The following MYLK3 variants were observed in gnomAD, a reference collection of about 807,000 sequenced individuals.
MYLK3 encodes MLC kinase.
In MYLK3, 55 loss-of-function variants were observed where a neutral mutation model predicts 76.3. The observed-to-expected ratio is 0.72, with a 90% CI of 0.58 to 0.90. The LOEUF (loss-of-function observed/expected upper bound fraction) is 0.90. MYLK3 is among the 40% of genes least tolerant of loss of function. The pLI is 0.00. For missense variants in MYLK3, 973 were observed against 1,053.6 expected (o/e 0.92, Z 1.06); for synonymous variants, 416 against 425.4 (o/e 0.98, Z 0.27).
intron 1 of MYLK3, among the ~76,000 whole-genome samples, chr16:46,755,355 G>T (rs193297241): frequency 6.6e-6 from 1 of 152,028 alleles, no homozygotes; most frequent in South Asian, 2.1e-4. Flanking sequence ...CTACTCAGGA[G>T]GCTGAGGCAG....
chr16:46,747,141 A>G (rs1967041051), intron 1 of MYLK3, among the ~76,000 whole-genome samples: 1 of 152,066 alleles, frequency 6.6e-6, no homozygotes, highest in South Asian at 2.1e-4. Context: ...TGCAGGATTG[A>G]TTATGCAACT....
chr16:46,725,572 G>A (rs534781834), intron 8 of MYLK3, among the ~76,000 whole-genome samples: 17 of 152,162 alleles, frequency 1.1e-4, no homozygotes, highest in East Asian at 5.8e-4. Flanking sequence ...GGCCCATTAC[G>A]TTGGTTGATT....
At chr16:46,740,500 T>C (rs1027579362) in intron 1 of MYLK3, among the ~76,000 whole-genome samples, 2 of 147,562 alleles carry the variant, frequency 1.4e-5, no homozygotes, top group African/African-American at 4.9e-5. Flanking sequence ...AAAATAATCA[T>C]TTAAAAATAT....
intron 4 of MYLK3, among the ~76,000 whole-genome samples, chr16:46,731,101 G>A (rs1966851672): frequency 6.6e-6 from 1 of 152,220 alleles, no homozygotes; most frequent in Admixed American, 6.5e-5. Flanking sequence ...AAACTCATGA[G>A]GGTGTTATGA....
At chr16:46,727,495 G>C in intron 7 of MYLK3, 118 bp from the exon 8 acceptor site, 1 of 1,122,516 alleles carries the variant, frequency 8.9e-7, no homozygotes, top group Non-Finnish European at 1.2e-6. Context: ...ACACCCCATG[G>C]GTCACAGGGC....
rs950754984 is a variant in MYLK3 at position 46,742,520 on chromosome 16, T to C, written c.478-2373A>G. Among the ~76,000 whole-genome samples the C allele has an allele frequency of 2.7e-5, 4 of 150,524 alleles. No individual in the cohort carries two copies. The South Asian group carries it at 8.4e-4, about 32-fold the overall frequency. On this transcript the variant is annotated intron_variant, in intron 1 of 12. Transcript: ENST00000394809. ...AAAAAACCTGAAGATCTGGCAACTCTAGGCCAAGATGGCAAAACTCGGCTA... is the reference window on the plus strand; with the variant it reads ...AAAAAACCTGAAGATCTGGCAACTCCAGGCCAAGATGGCAAAACTCGGCTA...
At chr16:46,722,077 C>T (rs550224335) in intron 8 of MYLK3, among the ~76,000 whole-genome samples, 10 of 152,046 alleles carry the variant, frequency 6.6e-5, no homozygotes, top group Non-Finnish European at 1.2e-4. Context: ...CGCCTCTCCT[C>T]TTAGGGCATT....
chr16:46,711,743 A>G, intron 10 of MYLK3: 1 of 336,788 alleles, frequency 3.0e-6, no homozygotes, highest in Non-Finnish European at 5.9e-6. Context: ...CCCACCCAGA[A>G]GTATCAGGAA....
intron 8 of MYLK3, chr16:46,725,709 G>C (rs1966839491): frequency 6.6e-6 from 1 of 152,072 alleles, no homozygotes. Flanking sequence ...TATCCATAAG[G>C]GATTTTGGTC....
At position 46,707,068 on chromosome 16, in the gene MYLK3, G is replaced by A. The variant is rs1184586430; in HGVS notation, c.*636C>T. On this transcript the variant is annotated 3_prime_UTR_variant, in exon 13 of 13. Transcript: ENST00000394809. ...AACTAAGACAGAGGGGTTAAGACAG[G>A]CAGAATTAGGAGAGAGGTGGAGGTG... is the stretch of plus-strand genomic sequence containing the variant. The A allele has an allele frequency of 6.6e-6, 1 of 152,196 alleles. No individual in the cohort carries two copies. The highest frequency in any genetic ancestry group is 1.9e-4 in the East Asian group (1 of 5,198). The allele number at this position is 152,196 out of a possible 1,614,324, so 9.4% of individuals were successfully genotyped here.
chr16:46,730,762 G>A, intron 4 of MYLK3, 64 bp from the exon 5 acceptor site: 1 of 1,429,052 alleles, frequency 7.0e-7, no homozygotes, highest in Non-Finnish European at 9.9e-7. Flanking sequence ...TCGGTCACCT[G>A]TGCCAGACCC....
intron 8 of MYLK3, 124 bp downstream of exon 8, chr16:46,727,112 T>C (rs1596757606): frequency 1.7e-6 from 2 of 1,165,090 alleles, no homozygotes; most frequent in Non-Finnish European, 2.4e-6. Flanking sequence ...ACTCCAGAAC[T>C]ACAAAATGAC....
At position 46,730,610 on chromosome 16, in the gene MYLK3, C is replaced by G; in HGVS notation, c.1551G>C (p.Gln517His). ...TSISAGYEVC[Q>H]HEVLGGGRFG... Reference sequence around the variant, plus strand: ...CCACCTACCCTCCCAAGACTTCGTGCTGGCACACCTCGTAACCCGCAGAGA... The same window carrying G: ...CCACCTACCCTCCCAAGACTTCGTGGTGGCACACCTCGTAACCCGCAGAGA... Residue 517 changes from glutamine (Q) to histidine (H), a missense_variant, in exon 5 of 13, where the codon CAG becomes CAC. By Grantham distance (24) the Gln-to-His change is conservative (BLOSUM62 0). Transcript: ENST00000394809. 6.2e-7 allele frequency: 1 copy of G among 1,614,052 alleles called. No homozygotes were observed. Among genetic ancestry groups the G allele is most frequent in the Non-Finnish European group, 8.5e-7 (1 of 1,179,986 alleles).
chr16:46,727,201 A>T, intron 8 of MYLK3, 35 bp downstream of exon 8: 1 of 1,603,274 alleles, frequency 6.2e-7, no homozygotes, highest in Non-Finnish European at 8.5e-7. Context: ...CTAGGACACC[A>T]GGGGCCCCTA....
At chr16:46,763,016 A>T in intron 1 of MYLK3, 1 of 985,422 alleles carries the variant, frequency 1.0e-6, no homozygotes, top group Non-Finnish European at 1.2e-6. Flanking sequence ...CACACACAGT[A>T]GGTTTATCAC....
At chr16:46,740,220 C>T (rs982354931) in intron 1 of MYLK3, 73 bp from the exon 2 acceptor site, 26 of 1,206,494 alleles carry the variant, frequency 2.2e-5, no homozygotes, top group Non-Finnish European at 3.2e-5. Context: ...ATTTGTTTAG[C>T]ACCTCCCCCT....
chr16:46,753,619 G>C, intron 1 of MYLK3, among the ~76,000 whole-genome samples: 1 of 152,198 alleles, frequency 6.6e-6, no homozygotes, highest in East Asian at 1.9e-4. Context: ...TTTCAAAAAG[G>C]CTGTCATTTT....
rs747537621 is a variant in MYLK3, at chr16:46,710,652, A to G, written c.2252T>C (p.Leu751Pro). Residue 751 changes from leucine (L) to proline (P), a missense_variant, in exon 11 of 13, where the codon CTG (leucine) becomes CCG (proline). Physicochemically the swap from Leu to Pro is moderately conservative, Grantham distance 98. This residue lies in a region of MYLK3 where 332 missense variants were observed against 416.6 expected (regional missense o/e 0.80). Coordinates refer to ENST00000394809, the MANE Select transcript of MYLK3 (RefSeq NM_182493.3). Reference protein sequence around the residue: ...EEAKDFVSRLLVKEKSCRMSA... With the variant: ...EEAKDFVSRLPVKEKSCRMSA... The stretch of plus-strand genomic sequence containing the variant: ...TGAAAGGTACCTCTTCTCTTTGACC[A>G]GCAACCGGGAAACAAAGTCCTTGGC... 6.2e-7 allele frequency: 1 copy of G among 1,614,202 alleles called. No homozygotes were observed. Among genetic ancestry groups the G allele is most frequent in the South Asian group, 1.1e-5 (1 of 91,088 alleles).
intron 1 of MYLK3, among the ~76,000 whole-genome samples, chr16:46,743,366 C>A (rs1272340650): frequency 6.6e-6 from 1 of 152,192 alleles, no homozygotes; most frequent in African/African-American, 2.4e-5. Context: ...CCCAAGAAGC[C>A]TCCATAATGC....
Sources: allele counts gnomAD v4.1 joint callset (sites outside exome capture counted in the v4.1 genomes callset), GRCh38; gene constraint gnomAD v4.1.1; regional missense constraint gnomAD v4.1.1; transcripts MANE v1.5; gene names NCBI Gene and HGNC (gene_info 2026-07-23, HGNC 2026-07-21).